The following TAFA2 variants were observed in gnomAD, a reference collection of about 807,000 sequenced individuals.
TAFA2 encodes the protein TAFA chemokine like family member 2, also known as chemokine-like protein TAFA-2.
A neutral mutation model predicts 18.8 loss-of-function variants in TAFA2; 7 were observed. The ratio of observed to expected loss-of-function variants is 0.37; its 90% confidence interval spans 0.21 to 0.70. TAFA2 has a LOEUF of 0.70. Among genes scored for constraint, TAFA2 ranks in the 30% least tolerant of loss-of-function variants. The pLI is 0.53. For synonymous variants in TAFA2, 60 were observed against 54.2 expected (o/e 1.11, Z -0.47); for missense variants, 122 against 158.1 (o/e 0.77, Z 1.23).
intron 2 of TAFA2, among the ~76,000 whole-genome samples, chr12:61,776,927 T>A (rs1037895924): frequency 6.6e-6 from 1 of 151,698 alleles, no homozygotes; most frequent in African/African-American, 2.4e-5. Flanking sequence ...GGTCCTGGAG[T>A]GTGTTGTAAG....
intron 1 of TAFA2, among the ~76,000 whole-genome samples, chr12:62,128,692 T>A (rs79275502): frequency 6.6e-6 from 1 of 152,010 alleles, no homozygotes; most frequent in Non-Finnish European, 1.5e-5. Flanking sequence ...ATGCCCCTTG[T>A]TCCCAGAATA....
At chr12:61,889,130 T>C (rs1875518898) in intron 1 of TAFA2, among the ~76,000 whole-genome samples, 1 of 152,160 alleles carries the variant, frequency 6.6e-6, no homozygotes, top group Admixed American at 6.5e-5. Flanking sequence ...AGAAGTAACA[T>C]GATTATTGAT....
At position 61,879,543 on chromosome 12, in the gene TAFA2, C is replaced by T. The variant is rs1875023054; in HGVS notation, c.-1-12117G>A. 5 of 727,732 alleles carry T rather than the reference C, an allele frequency of 6.9e-6. No homozygotes were observed. In the South Asian group the frequency reaches 7.4e-5, roughly 11 times the overall value. The allele number at this position is 727,732 out of a possible 1,614,324, so 45.1% of individuals were successfully genotyped here. ...TGGTCAACCAGAGCCTGCTGAGGCCCCTTAACCTGGAGGTGGACCCCAACA... is the reference window on the plus strand; with the variant it reads ...TGGTCAACCAGAGCCTGCTGAGGCCTCTTAACCTGGAGGTGGACCCCAACA... On this transcript the variant is annotated intron_variant, in intron 1 of 4. Coordinates refer to ENST00000416284, the MANE Select transcript of TAFA2 (RefSeq NM_178539.5).
At chr12:62,156,533 G>T (rs11174353) in intron 1 of TAFA2, among the ~76,000 whole-genome samples, 18,752 of 152,032 alleles carry the variant, frequency 0.12, 1,550 homozygotes, top group East Asian at 0.34. Context: ...TTTCAAAACC[G>T]TGGAACCAAC....
intron 1 of TAFA2, among the ~76,000 whole-genome samples, chr12:61,945,959 T>G (rs1326549868): frequency 7.0e-6 from 1 of 142,002 alleles, no homozygotes; most frequent in Non-Finnish European, 1.5e-5. Context: ...AAAACTACTT[T>G]AAAGTTCATA....
intron 1 of TAFA2, among the ~76,000 whole-genome samples, chr12:62,244,237 C>CTTTTTTTTTTTTTTTTTTT (rs35569192): frequency 1.5e-5 from 2 of 134,276 alleles, no homozygotes; most frequent in Non-Finnish European, 1.6e-5. Context: ...TTTCTTTTGT[C>CTTTTTTTTTTTTTTTTTTT]TTTTTTTTTT....
intron 1 of TAFA2, among the ~76,000 whole-genome samples, chr12:62,067,971 C>CG (rs1207470880): frequency 6.7e-6 from 1 of 149,746 alleles, no homozygotes; most frequent in Non-Finnish European, 1.5e-5. Flanking sequence ...TTTGTTTTTA[C>CG]TTTTTTTTTC....
intron 1 of TAFA2, among the ~76,000 whole-genome samples, chr12:62,007,653 C>T (rs765925062): frequency 3.3e-5 from 5 of 152,094 alleles, no homozygotes; most frequent in Non-Finnish European, 7.4e-5. Flanking sequence ...CATCTTCTTT[C>T]TTTTGATTGC....
At chr12:61,780,588 C>T (rs541130008) in intron 2 of TAFA2, among the ~76,000 whole-genome samples, 295 of 151,400 alleles carry the variant, frequency 1.9e-3, no homozygotes, top group Middle Eastern at 0.01. Context: ...GCCATATATC[C>T]CTTTGACATT....
At chr12:61,983,014 A>C (rs1248570736) in intron 1 of TAFA2, among the ~76,000 whole-genome samples, 1 of 152,068 alleles carries the variant, frequency 6.6e-6, no homozygotes, top group African/African-American at 2.4e-5. Flanking sequence ...TTTATTTTTA[A>C]AGGGTTTATT....
At chr12:62,111,702 T>C (rs1869738648) in intron 1 of TAFA2, among the ~76,000 whole-genome samples, 1 of 152,226 alleles carries the variant, frequency 6.6e-6, no homozygotes, top group African/African-American at 2.4e-5. Flanking sequence ...TTAGTATAGT[T>C]AGCTCTTCTT....
intron 1 of TAFA2, among the ~76,000 whole-genome samples, chr12:62,020,266 C>T (rs1881084909): frequency 1.3e-5 from 2 of 152,318 alleles, no homozygotes; most frequent in South Asian, 2.1e-4. Flanking sequence ...AACTGCCACA[C>T]TAGTATTATC....
intron 1 of TAFA2, among the ~76,000 whole-genome samples, chr12:62,000,214 T>G (rs867241608): frequency 1.7e-5 from 2 of 114,352 alleles, no homozygotes; most frequent in African/African-American, 2.8e-5. Flanking sequence ...TTCTAATGCA[T>G]ACTGCCTGTG....
chr12:62,014,234 A>C (rs1386730804), intron 1 of TAFA2, among the ~76,000 whole-genome samples: 2 of 152,232 alleles, frequency 1.3e-5, no homozygotes, highest in Non-Finnish European at 2.9e-5. Flanking sequence ...TAGTGGACCA[A>C]CTTTGGCAGC....
At chr12:61,992,675 T>C (rs1880051391) in intron 1 of TAFA2, among the ~76,000 whole-genome samples, 1 of 152,134 alleles carries the variant, frequency 6.6e-6, no homozygotes, top group African/African-American at 2.4e-5. Context: ...TACTTCCTCT[T>C]TAACCTCATT....
intron 4 of TAFA2, among the ~76,000 whole-genome samples, chr12:61,732,683 T>C (rs1044255383): frequency 6.6e-6 from 1 of 151,686 alleles, no homozygotes; most frequent in Non-Finnish European, 1.5e-5. Flanking sequence ...CAGATGGTGA[T>C]GGTTTGCAAT....
At chr12:61,915,510 A>G (rs536220645) in intron 1 of TAFA2, among the ~76,000 whole-genome samples, 13 of 152,322 alleles carry the variant, frequency 8.5e-5, no homozygotes, top group African/African-American at 3.1e-4. Context: ...GGGATTTATT[A>G]TGAGTATTGG....
chr12:61,826,366 T>TGTGTGTGTGTGTGTGTGTGTG (rs1298131139), intron 2 of TAFA2, among the ~76,000 whole-genome samples: 1 of 130,844 alleles, frequency 7.6e-6, no homozygotes, highest in African/African-American at 3.2e-5. Flanking sequence ...GTGTGTGTAT[T>TGTGTGTGTGTGTGTGTGTGTG]TGTAAATTTG....
chr12:61,932,735 C>G (rs1347208070), intron 1 of TAFA2, among the ~76,000 whole-genome samples: 1 of 152,160 alleles, frequency 6.6e-6, no homozygotes, highest in East Asian at 1.9e-4. Context: ...CCACCGCGCC[C>G]AGCCCCATAA....
Sources: gnomAD v4.1 joint callset for allele counts (sites outside exome capture counted in the v4.1 genomes callset) on GRCh38, gnomAD v4.1.1 for gene constraint, MANE v1.5 for transcripts, NCBI Gene and HGNC (gene_info 2026-07-23, HGNC 2026-07-21) for gene names.